EPHA4: variants seen among roughly 807,000 people sequenced by gnomAD.
EPHA4 encodes the protein EPH receptor A4.
A neutral mutation model predicts 108.3 loss-of-function variants in EPHA4; 19 were observed. The ratio of observed to expected loss-of-function variants is 0.18; its 90% CI spans 0.12 to 0.26. The LOEUF is 0.26. Ranked by LOEUF, EPHA4 falls within the 10% of genes least tolerant of loss-of-function variation. The pLI is 1.00. For missense variants in EPHA4, 917 were observed against 1,254.0 expected, an observed-to-expected ratio of 0.73 and a Z score of 4.06; for synonymous variants, 449 against 455.5, an observed-to-expected ratio of 0.99 and a Z score of 0.18.
chr2:221,474,937 T>A (rs2015014), intron 5 of EPHA4, among the ~76,000 whole-genome samples: 7 of 151,938 alleles, frequency 4.6e-5, no homozygotes, highest in Non-Finnish European at 1.0e-4. Context: ...GGCAAGATCT[T>A]GGCTCACTGC....
intron 7 of EPHA4, among the ~76,000 whole-genome samples, 183 bp downstream of exon 7, chr2:221,456,430 C>G (rs1363645492): frequency 6.6e-6 from 1 of 152,158 alleles, no homozygotes; most frequent in Admixed American, 6.5e-5. Context: ...ATGCTTTTCT[C>G]TAAATCACAT....
At chr2:221,450,131 T>C (rs984631283) in intron 8 of EPHA4, among the ~76,000 whole-genome samples, 1 of 152,190 alleles carries the variant, frequency 6.6e-6, no homozygotes, top group Admixed American at 6.5e-5. Flanking sequence ...CATTTAAGTG[T>C]TTTCATTTTC....
chr2:221,442,721 T>C (rs1690464724), intron 11 of EPHA4, 108 bp downstream of exon 11: 1 of 1,129,490 alleles, frequency 8.9e-7, no homozygotes, highest in Non-Finnish European at 1.3e-6. Context: ...TTTCCTCCTA[T>C]TAGCAATCAG....
intron 11 of EPHA4, among the ~76,000 whole-genome samples, chr2:221,437,717 G>A (rs1460065096): frequency 1.3e-5 from 2 of 149,346 alleles, no homozygotes; most frequent in South Asian, 2.1e-4. Flanking sequence ...TTCGAGACAA[G>A]CCTGGCCAAC....
At chr2:221,572,305 A>C (rs1174265837), upstream of EPHA4, 14 of 1,479,734 alleles carry the variant, frequency 9.5e-6, no homozygotes, top group Non-Finnish European at 1.1e-5. Context: ...ATAAATGCTT[A>C]AGTTAGGAGA....
intron 2 of EPHA4, among the ~76,000 whole-genome samples, chr2:221,566,882 AG>A (rs1559297132): frequency 0.012 from 321 of 26,390 alleles, 93 homozygotes; most frequent in African/African-American, 0.06. Flanking sequence ...AAGAAGGAGA[AG>A]GAGAAGGAGA....
upstream of EPHA4, chr2:221,573,727 C>T (rs372846052): frequency 6.6e-6 from 1 of 152,230 alleles, no homozygotes; most frequent in Admixed American, 6.5e-5. This position sits in a 1 kb window ranked among gnomAD's most constrained non-coding sequence, Gnocchi z 4.5. Context: ...TGTGCGGCCC[C>T]GGAGGAAGGG....
chr2:221,570,261 C>T (rs1345056284), intron 1 of EPHA4, among the ~76,000 whole-genome samples: 1 of 151,710 alleles, frequency 6.6e-6, no homozygotes, highest in Non-Finnish European at 1.5e-5. Context: ...CCCTCCCCTT[C>T]AACATTAGCC....
At chr2:221,477,939 A>G (rs1013036243) in intron 5 of EPHA4, among the ~76,000 whole-genome samples, 1 of 152,210 alleles carries the variant, frequency 6.6e-6, no homozygotes, top group African/African-American at 2.4e-5. Flanking sequence ...CTAGGACACC[A>G]TAGCTGTGCT....
intron 13 of EPHA4, 79 bp downstream of exon 13, chr2:221,436,320 A>G: frequency 2.9e-6 from 4 of 1,366,598 alleles, no homozygotes; most frequent in Non-Finnish European, 4.0e-6. Flanking sequence ...AAAAAATTAC[A>G]AAGGGCTTCA....
chr2:221,525,087 C>G (rs72963202), intron 3 of EPHA4, among the ~76,000 whole-genome samples: 7,942 of 152,188 alleles, frequency 0.052, 297 homozygotes, highest in Non-Finnish European at 0.079. Flanking sequence ...ATTACATGCC[C>G]ATGATAGAAA....
upstream of EPHA4, chr2:221,572,509 A>C: frequency 7.6e-6 from 1 of 131,962 alleles, no homozygotes; most frequent in Non-Finnish European, 1.2e-5. Flanking sequence ...GGGGGCGAGC[A>C]CGGCCGGTCC....
At chr2:221,525,860 T>C (rs546415795) in intron 3 of EPHA4, among the ~76,000 whole-genome samples, 41 of 152,292 alleles carry the variant, frequency 2.7e-4, no homozygotes, top group Admixed American at 2.7e-3. Context: ...AGGGACTGTG[T>C]CTCCAGAGTG....
chr2:221,512,755 C>T (rs769905985), intron 3 of EPHA4, among the ~76,000 whole-genome samples: 1 of 152,138 alleles, frequency 6.6e-6, no homozygotes, highest in Admixed American at 6.6e-5. Context: ...ATTCATTGGG[C>T]CATTTATGTT....
intron 14 of EPHA4, 146 bp from the exon 15 acceptor site, chr2:221,430,297 G>C: frequency 1.3e-6 from 1 of 743,652 alleles, no homozygotes; most frequent in Non-Finnish European, 2.1e-6. Flanking sequence ...ATGAGCCAAA[G>C]CTAGACCTGA....
Position 221,572,192 on chromosome 2 carries a change from A to G in EPHA4, c.57T>C (p.Ala19=). 1 of 1,614,162 alleles carries G rather than the reference A, an allele frequency of 6.2e-7. No homozygotes were observed. The highest frequency in any genetic ancestry group is 8.5e-7 in the Non-Finnish European group (1 of 1,179,984). ...LFSCLFGICD[A]VTGSRVYPAN... The stretch of plus-strand genomic sequence containing the variant: ...CGGGGTATACCCTGGAACCTGTGAC[A>G]GCGTCGCAAATCCCGAAGAGACACG... Residue 19 remains alanine (A), a synonymous_variant, in exon 1 of 18, where the codon GCT becomes GCC. Coordinates refer to ENST00000281821, the MANE Select transcript of EPHA4 (RefSeq NM_004438.5).
chr2:221,436,687 C>A, intron 12 of EPHA4, 79 bp from the exon 13 acceptor site: 1 of 1,405,958 alleles, frequency 7.1e-7, no homozygotes, highest in South Asian at 1.2e-5. Flanking sequence ...TTACTTGAAT[C>A]TTTTTGGGTA....
At chr2:221,559,005 A>G (rs1443994293) in intron 3 of EPHA4, among the ~76,000 whole-genome samples, 1 of 151,984 alleles carries the variant, frequency 6.6e-6, no homozygotes. Context: ...TCTTTCTCCT[A>G]AGCTCCTTCT....
In EPHA4 at chr2:221,505,333, T is replaced by C. The variant is rs1332285622; in HGVS notation, c.824-4161A>G. Among the ~76,000 whole-genome samples, 3 of 152,098 alleles carry C rather than the reference T, an allele frequency of 2.0e-5. No individual in the cohort carries two copies. In the East Asian group the frequency reaches 5.8e-4, roughly 29 times the overall value. On this transcript the variant is annotated intron_variant, in intron 3 of 17. Transcript: ENST00000281821. The stretch of plus-strand genomic sequence containing the variant: ...CACCTTTAAAATTTATTTATTTATT[T>C]ATTTTTTTGAGACAAGAGTTTTGCT...
Sources: gnomAD v4.1 joint callset for allele counts (sites outside exome capture counted in the v4.1 genomes callset) on GRCh38, gnomAD v4.1.1 for gene constraint, Gnocchi (gnomAD v3.1) non-coding constraint, MANE v1.5 for transcripts, NCBI Gene and HGNC (gene_info 2026-07-23, HGNC 2026-07-21) for gene names.